The following CACNA1C variants were observed in gnomAD, a reference collection of about 807,000 sequenced individuals.
CACNA1C encodes calcium voltage-gated channel subunit alpha1 C.
Under a neutral mutation model 229.0 loss-of-function variants are expected in CACNA1C, and 30 were observed. That is an observed-to-expected ratio of 0.13 (90% CI 0.10 to 0.18). The LOEUF is 0.18. Among genes scored for constraint, CACNA1C ranks in the 10% least tolerant of loss-of-function variants. The probability of loss-of-function intolerance (pLI) is 1.00; values close to 1 mark genes in which losing one functional copy is unlikely to be tolerated. For missense variants in CACNA1C, 1,658 were observed against 2,845.0 expected (o/e 0.58, Z 9.49); for synonymous variants, 1,114 against 1,132.5 (o/e 0.98, Z 0.33).
rs2099696013 is a variant in CACNA1C at position 2,486,041 on chromosome 12, T to A, written c.758-63T>A. Reference sequence around the variant, plus strand: ...CTTGCAGAGTTGCTGGAAGATTGCATGAGATGGCGTCAGCACGGTACCGCG... The same window carrying A: ...CTTGCAGAGTTGCTGGAAGATTGCAAGAGATGGCGTCAGCACGGTACCGCG... On this transcript the variant is annotated intron_variant, in intron 5 of 46. Transcript: ENST00000399655. The surrounding 1 kb of genome is among the most constrained non-coding windows in gnomAD (Gnocchi z 4.9). 1.5e-6 allele frequency: 2 copies of A among 1,335,154 alleles called. No individual in the cohort carries two copies. The highest frequency in any genetic ancestry group is 4.9e-5 in the Admixed American group (2 of 41,166). 82.7% of individuals were successfully genotyped at this position (1,335,154 alleles called of 1,614,324 possible). A position where few individuals can be genotyped will look rare whatever the true frequency, so the allele number is the denominator to read the frequency against.
At chr12:2,496,732 C>A (rs1288644322) in intron 7 of CACNA1C, among the ~76,000 whole-genome samples, 1 of 152,234 alleles carries the variant, frequency 6.6e-6, no homozygotes, top group Non-Finnish European at 1.5e-5. Context: ...ACAAGCCGAG[C>A]AATTTGCTGA....
rs192004756 is a variant in CACNA1C at position 2,281,529 on chromosome 12, T to G, written c.477+161099T>G. On this transcript the variant is annotated intron_variant, in intron 3 of 46. Coordinates refer to ENST00000399655, the MANE Select transcript of CACNA1C (RefSeq NM_000719.7). ...GAAGTCTTTATTTTTCACTTTTATT[T>G]CCGAAGGATATTTTTACTTAGTATA... Among the ~76,000 whole-genome samples the G allele has an allele frequency of 3.6e-3, 554 of 152,330 alleles. 4 individuals are homozygous for G. Among genetic ancestry groups the G allele is most frequent in the African/African-American group, 0.013 (528 of 41,574 alleles).
At chr12:2,449,139 TC>T in intron 4 of CACNA1C, 24 bp downstream of exon 4, 1 of 1,485,498 alleles carries the variant, frequency 6.7e-7, no homozygotes, top group Non-Finnish European at 9.0e-7. Flanking sequence ...TCTGTTTCTT[TC>T]CCTTTATCTT....
chr12:2,219,936 T>C (rs1471863607), intron 3 of CACNA1C, among the ~76,000 whole-genome samples: 1 of 152,172 alleles, frequency 6.6e-6, no homozygotes, highest in Non-Finnish European at 1.5e-5. Flanking sequence ...AAGAGCACTC[T>C]ATGATGTTGG....
intron 5 of CACNA1C, among the ~76,000 whole-genome samples, chr12:2,481,745 T>C (rs957485485): frequency 1.3e-5 from 2 of 152,218 alleles, no homozygotes; most frequent in African/African-American, 4.8e-5. Context: ...GTCCTATTGG[T>C]CCCATAAGTA....
chr12:2,127,320 G>T (rs2090505977), intron 3 of CACNA1C, among the ~76,000 whole-genome samples: 1 of 152,190 alleles, frequency 6.6e-6, no homozygotes, highest in Non-Finnish European at 1.5e-5. Context: ...TGCCACTTTG[G>T]GTTCCCCTCC....
At chr12:2,448,104 G>A (rs570266065) in intron 3 of CACNA1C, among the ~76,000 whole-genome samples, 1 of 152,364 alleles carries the variant, frequency 6.6e-6, no homozygotes, top group South Asian at 2.1e-4. Flanking sequence ...CGAGGGACGT[G>A]CATGAATCAG....
intron 3 of CACNA1C, among the ~76,000 whole-genome samples, chr12:2,279,574 T>G (rs562465195): frequency 2.3e-4 from 35 of 152,346 alleles, no homozygotes; most frequent in African/African-American, 8.2e-4. Flanking sequence ...AAGCCCTTTC[T>G]AATCCCTAGT....
chr12:2,682,497 A>C (rs1398148793), intron 42 of CACNA1C, 53 bp from the exon 43 acceptor site: 2 of 1,593,198 alleles, frequency 1.3e-6, no homozygotes, highest in Non-Finnish European at 1.7e-6. Flanking sequence ...TGCTGAAGGA[A>C]GTGGAGGAAG....
chr12:2,089,667 A>G (rs2069408757), intron 1 of CACNA1C, among the ~76,000 whole-genome samples: 1 of 152,200 alleles, frequency 6.6e-6, no homozygotes, highest in South Asian at 2.1e-4. Context: ...AATCTGAATC[A>G]TTTTTAAGTG....
intron 3 of CACNA1C, among the ~76,000 whole-genome samples, chr12:2,128,376 A>G (rs535021188): frequency 7.2e-5 from 11 of 152,356 alleles, no homozygotes; most frequent in African/African-American, 2.2e-4. Flanking sequence ...AAATAAATTC[A>G]GTAAGTACCA....
At chr12:2,562,688 G>A (rs2048141309) in intron 11 of CACNA1C, among the ~76,000 whole-genome samples, 1 of 152,142 alleles carries the variant, frequency 6.6e-6, no homozygotes, top group South Asian at 2.1e-4. Flanking sequence ...AGTATGTCTG[G>A]GGGTGCAAGA....
At chr12:2,093,552 T>G (rs1465192060) in intron 1 of CACNA1C, among the ~76,000 whole-genome samples, 1 of 152,232 alleles carries the variant, frequency 6.6e-6, no homozygotes, top group Non-Finnish European at 1.5e-5. Flanking sequence ...CCTGTACTCG[T>G]GTACCTGCGT....
intron 3 of CACNA1C, among the ~76,000 whole-genome samples, chr12:2,416,674 G>A (rs1039104404): frequency 6.6e-6 from 1 of 152,182 alleles, no homozygotes; most frequent in Non-Finnish European, 1.5e-5. Context: ...GTGACAATTG[G>A]GACTCCACCC....
chr12:2,610,343 G>A (rs1001316296), intron 27 of CACNA1C, among the ~76,000 whole-genome samples, 198 bp from the exon 28 acceptor site: 5 of 152,110 alleles, frequency 3.3e-5, no homozygotes, highest in African/African-American at 4.8e-5. Context: ...GATTAAGGGG[G>A]CCATGGAAAA....
At chr12:2,387,810 G>T (rs1011022806) in intron 3 of CACNA1C, among the ~76,000 whole-genome samples, 3 of 152,216 alleles carry the variant, frequency 2.0e-5, no homozygotes, top group African/African-American at 7.2e-5. Context: ...CCTGTGAGGA[G>T]TGACAGCAGA....
intron 1 of CACNA1C, among the ~76,000 whole-genome samples, chr12:2,026,426 A>G (rs1565962934): frequency 6.6e-6 from 1 of 152,208 alleles, no homozygotes; most frequent in Non-Finnish European, 1.5e-5. Context: ...GTGAGCCTCA[A>G]GTCAGATGGA....
At chr12:2,357,768 C>T (rs1172286090) in intron 3 of CACNA1C, among the ~76,000 whole-genome samples, 2 of 151,000 alleles carry the variant, frequency 1.3e-5, no homozygotes, top group Middle Eastern at 3.2e-3. Context: ...GTCAGCAGTT[C>T]GAGACCAGCC....
At chr12:2,500,172 TA>T (rs944685897) in intron 7 of CACNA1C, among the ~76,000 whole-genome samples, 1 of 152,048 alleles carries the variant, frequency 6.6e-6, no homozygotes, top group South Asian at 2.1e-4. Context: ...CTCGAACCTC[TA>T]AAAAACCAGC....
Sources: gnomAD v4.1 joint callset for allele counts (sites outside exome capture counted in the v4.1 genomes callset) on GRCh38, gnomAD v4.1.1 for gene constraint, Gnocchi (gnomAD v3.1) non-coding constraint, MANE v1.5 for transcripts, NCBI Gene and HGNC (gene_info 2026-07-23, HGNC 2026-07-21) for gene names.